Variants in IL1RAPL1 observed in about 807,000 individuals in gnomAD.
IL1RAPL1 encodes the protein interleukin 1 receptor accessory protein like 1, also known as interleukin-1 receptor accessory protein-like 1.
IL1RAPL1 carries 3 observed loss-of-function variants against 48.4 expected under a neutral mutation model. That is an observed-to-expected ratio of 0.06 (90% CI 0.03 to 0.16). The LOEUF (loss-of-function observed/expected upper bound fraction) is 0.16. Among genes scored for constraint, IL1RAPL1 ranks in the 10% least tolerant of loss-of-function variants. The pLI, the probability that IL1RAPL1 is intolerant of heterozygous loss-of-function variation, is 1.00. For synonymous variants in IL1RAPL1, 185 were observed against 187.7 expected, an observed-to-expected ratio of 0.99 and a Z score of 0.12; for missense variants, 349 against 530.6, an observed-to-expected ratio of 0.66 and a Z score of 3.36.
At chrX:29,950,357 C>T (rs1177261862) in intron 9 of IL1RAPL1, among the ~76,000 whole-genome samples, 1 of 111,902 alleles carries the variant, frequency 8.9e-6, no homozygotes, top group Admixed American at 9.4e-5. Flanking sequence ...GACGATCTAT[C>T]ATGGAGCCGA....
intron 6 of IL1RAPL1, among the ~76,000 whole-genome samples, chrX:29,887,333 G>C (rs921305842): frequency 8.9e-6 from 1 of 112,350 alleles, no homozygotes; most frequent in Non-Finnish European, 1.9e-5. Context: ...GCAATTTTGT[G>C]GTTTGAACTA....
chrX:29,097,613 A>G lies in IL1RAPL1; in HGVS notation c.83-185325A>G, dbSNP rs749591933. Among the ~76,000 whole-genome samples, 160 of 111,806 alleles carry G rather than the reference A, an allele frequency of 1.4e-3. 2 individuals carry two copies. Among genetic ancestry groups the G allele is most frequent in the Non-Finnish European group, 1.8e-3 (98 of 53,119 alleles). Reference sequence around the variant, plus strand: ...AATATGAATATGTGTTGCTCCTTCTAGTAGTTAAGACCAGTGACACCCATT... The same window carrying G: ...AATATGAATATGTGTTGCTCCTTCTGGTAGTTAAGACCAGTGACACCCATT... On this transcript the variant is annotated intron_variant, in intron 2 of 10. Transcript: ENST00000378993.
At chrX:28,905,566 A>G (rs900869742) in intron 2 of IL1RAPL1, among the ~76,000 whole-genome samples, 3 of 111,855 alleles carry the variant, frequency 2.7e-5, no homozygotes, top group African/African-American at 6.5e-5. Flanking sequence ...TCAACTCTCT[A>G]TGTGGTATCT....
rs768410990 is a variant in IL1RAPL1, at chrX:29,315,203, G to A, written c.362+31986G>A. On this transcript the variant is annotated intron_variant, in intron 3 of 10. Transcript: ENST00000378993. ...AAATCCATGTGATTTCACCTAAAGGGTCAGATGGATCAGCAGAAGATGAGT... is the reference window on the plus strand; with the variant it reads ...AAATCCATGTGATTTCACCTAAAGGATCAGATGGATCAGCAGAAGATGAGT... 6.2e-4 allele frequency among the ~76,000 whole-genome samples: 69 copies of A among 111,899 alleles called. 1 individual carries two copies. Among genetic ancestry groups the A allele is most frequent in the African/African-American group, 2.1e-3 (66 of 30,856 alleles).
intron 2 of IL1RAPL1, among the ~76,000 whole-genome samples, chrX:29,192,149 C>T (rs967195988): frequency 1.7e-4 from 19 of 111,629 alleles, no homozygotes; most frequent in African/African-American, 4.6e-4. Context: ...AAAGGGGACA[C>T]GACTCGCAGG....
chrX:29,813,463 T>C (rs1038444077), intron 6 of IL1RAPL1, among the ~76,000 whole-genome samples: 6 of 112,161 alleles, frequency 5.3e-5, no homozygotes, highest in African/African-American at 1.9e-4. Flanking sequence ...AAAAAATCAG[T>C]TTGCTTGGGG....
chrX:29,933,674 G>GAAAAAAAAAAAAAAAAA (rs1932985601), intron 8 of IL1RAPL1, among the ~76,000 whole-genome samples: 1 of 101,309 alleles, frequency 9.9e-6, no homozygotes, highest in African/African-American at 3.8e-5. Flanking sequence ...AAAAAAAAAA[G>GAAAAAAAAAAAAAAAAA]AGAGAGAAGA....
intron 2 of IL1RAPL1, among the ~76,000 whole-genome samples, chrX:29,158,192 C>T (rs958404203): frequency 9.0e-6 from 1 of 111,382 alleles, no homozygotes; most frequent in Non-Finnish European, 1.9e-5. Flanking sequence ...AGGGTATAAC[C>T]GTTGCAAACA....
At chrX:29,917,282 C>T (rs942959353) in intron 6 of IL1RAPL1, among the ~76,000 whole-genome samples, 182 bp from the exon 7 acceptor site, 5 of 112,443 alleles carry the variant, frequency 4.4e-5, no homozygotes, top group Non-Finnish European at 1.9e-5. Context: ...TTAAACAAGC[C>T]ATGTTGTCGA....
rs192956244 is a variant in IL1RAPL1 at position 29,658,779 on chromosome X, A to T, written c.704-9651A>T. ...TAATGATCAAATCAGGGTAATGGGGATAGCCCTCATCTCAAATATTTACCA... is the reference window on the plus strand; with the variant it reads ...TAATGATCAAATCAGGGTAATGGGGTTAGCCCTCATCTCAAATATTTACCA... On this transcript the variant is annotated intron_variant, in intron 5 of 10. Transcript: ENST00000378993. 3.2e-3 allele frequency among the ~76,000 whole-genome samples: 361 copies of T among 112,062 alleles called. 3 individuals are homozygous for T. The highest frequency in any genetic ancestry group is 0.011 in the African/African-American group (346 of 30,881).
At chrX:29,739,822 G>C (rs1300930550) in intron 6 of IL1RAPL1, among the ~76,000 whole-genome samples, 1 of 110,784 alleles carries the variant, frequency 9.0e-6, no homozygotes, top group Non-Finnish European at 1.9e-5. Context: ...ACTTTGGGAG[G>C]CTGAGGCAGG....
intron 5 of IL1RAPL1, among the ~76,000 whole-genome samples, chrX:29,415,206 C>T (rs754305946): frequency 9.0e-6 from 1 of 111,258 alleles, no homozygotes; most frequent in East Asian, 2.8e-4. Context: ...AATATGAAGA[C>T]TAAACTTAGC....
chrX:28,797,433 C>A (rs754746418), intron 2 of IL1RAPL1, among the ~76,000 whole-genome samples: 1 of 111,651 alleles, frequency 9.0e-6, no homozygotes, highest in African/African-American at 3.3e-5. Flanking sequence ...CCCAAGTCAC[C>A]TCTTGAACAC....
At chrX:29,328,888 C>G (rs1184809827) in intron 3 of IL1RAPL1, among the ~76,000 whole-genome samples, 1 of 110,473 alleles carries the variant, frequency 9.1e-6, no homozygotes, top group African/African-American at 3.3e-5. Context: ...AAATTTAGAT[C>G]ACGGTAGTAT....
intron 5 of IL1RAPL1, among the ~76,000 whole-genome samples, chrX:29,557,075 A>G (rs1178028713): frequency 8.9e-6 from 1 of 112,098 alleles, no homozygotes; most frequent in Non-Finnish European, 1.9e-5. Flanking sequence ...TCATTTTTCC[A>G]TAAGTGGCAA....
At chrX:29,268,131 C>T (rs1461240591) in intron 2 of IL1RAPL1, among the ~76,000 whole-genome samples, 7 of 111,452 alleles carry the variant, frequency 6.3e-5, no homozygotes, top group Non-Finnish European at 1.3e-4. Context: ...CTTCATACCC[C>T]AAAACCATTC....
intron 6 of IL1RAPL1, among the ~76,000 whole-genome samples, chrX:29,686,554 T>A (rs1926625890): frequency 9.7e-6 from 1 of 103,095 alleles, no homozygotes; most frequent in Admixed American, 1.1e-4. Context: ...TTTATTTATT[T>A]ATTTATTTAT....
At chrX:29,271,315 C>T (rs1422002402) in intron 2 of IL1RAPL1, among the ~76,000 whole-genome samples, 8 of 111,857 alleles carry the variant, frequency 7.2e-5, no homozygotes, top group Non-Finnish European at 1.3e-4. Flanking sequence ...AATAGTGCTG[C>T]GATGAACATA....
chrX:28,602,431 A>G lies in IL1RAPL1; in HGVS notation c.-25+14384A>G, dbSNP rs745768085. ...AATGGTTTTTTTACTCTGCCACACA[A>G]TGCCACATCCCTGACAGTAGGTAAG... On this transcript the variant is annotated intron_variant, in intron 1 of 10. Coordinates refer to ENST00000378993, the MANE Select transcript of IL1RAPL1 (RefSeq NM_014271.4). 2.7e-5 allele frequency among the ~76,000 whole-genome samples: 3 copies of G among 112,170 alleles called. No individual in the cohort carries two copies. In the South Asian group the frequency reaches 1.1e-3, roughly 42 times the overall value.
Sources: allele counts gnomAD v4.1 joint callset (sites outside exome capture counted in the v4.1 genomes callset), GRCh38; gene constraint gnomAD v4.1.1; transcripts MANE v1.5; gene names NCBI Gene and HGNC (gene_info 2026-07-23, HGNC 2026-07-21).